The following SLC4A4 variants were observed in gnomAD, a reference collection of about 807,000 sequenced individuals.
The protein encoded by SLC4A4 is solute carrier family 4 member 4, also known as electrogenic sodium bicarbonate cotransporter 1.
A neutral mutation model predicts 111.5 loss-of-function variants in SLC4A4; 27 were observed. The ratio of observed to expected loss-of-function variants is 0.24; its 90% CI spans 0.18 to 0.33. The LOEUF (loss-of-function observed/expected upper bound fraction) is 0.33, where lower values mean the gene tolerates loss of function less well. Ranked by LOEUF, SLC4A4 falls within the 10% of genes least tolerant of loss-of-function variation. The pLI is 1.00. For synonymous variants in SLC4A4, 443 were observed against 463.4 expected (o/e 0.96, Z 0.57); for missense variants, 909 against 1,315.5 (o/e 0.69, Z 4.78).
intron 3 of SLC4A4, among the ~76,000 whole-genome samples, chr4:71,334,819 T>C (rs1252802522): frequency 6.6e-6 from 1 of 152,166 alleles, no homozygotes; most frequent in Non-Finnish European, 1.5e-5. Context: ...TTTTGCTAAA[T>C]TGAGAATGCC....
chr4:71,120,818 AC>A (rs1342769643), intron 2 of SLC4A4, among the ~76,000 whole-genome samples: 2 of 151,994 alleles, frequency 1.3e-5, no homozygotes, highest in African/African-American at 4.8e-5. Context: ...CTCTGTGCCC[AC>A]TCTGGCTGCA....
At chr4:71,315,327 A>G (rs1404744155) in intron 3 of SLC4A4, among the ~76,000 whole-genome samples, 6 of 152,184 alleles carry the variant, frequency 3.9e-5, no homozygotes, top group Admixed American at 1.3e-4. Context: ...GTTGTTTTGA[A>G]CTATATAATT....
chr4:71,092,987 C>T (rs868737816), intron 2 of SLC4A4, among the ~76,000 whole-genome samples: 3 of 150,034 alleles, frequency 2.0e-5, no homozygotes, highest in Non-Finnish European at 4.4e-5. Context: ...CCCAGCTACT[C>T]GGGAGGCTGA....
chr4:71,173,199 C>A (rs1744989674), intron 2 of SLC4A4, among the ~76,000 whole-genome samples: 1 of 152,112 alleles, frequency 6.6e-6, no homozygotes, highest in Non-Finnish European at 1.5e-5. Context: ...GAAATAAAAT[C>A]AAAGTCTAGT....
chr4:71,167,777 C>T (rs1050199149), intron 2 of SLC4A4, among the ~76,000 whole-genome samples: 1 of 152,082 alleles, frequency 6.6e-6, no homozygotes, highest in Non-Finnish European at 1.5e-5. Context: ...AAAATGGCAC[C>T]ATTTCCAAAA....
At chr4:71,217,094 A>T (rs1429629206) in intron 1 of SLC4A4, among the ~76,000 whole-genome samples, 1 of 152,200 alleles carries the variant, frequency 6.6e-6, no homozygotes, top group African/African-American at 2.4e-5. Flanking sequence ...GGAGAATAAG[A>T]ATTGAGCAAG....
At chr4:71,392,133 A>G (rs1461877920) in intron 6 of SLC4A4, among the ~76,000 whole-genome samples, 1 of 152,124 alleles carries the variant, frequency 6.6e-6, no homozygotes, top group Non-Finnish European at 1.5e-5. Context: ...ATTCCCATGT[A>G]TAATCTGGTT....
chr4:71,111,984 AC>A (rs1228654837), intron 2 of SLC4A4, among the ~76,000 whole-genome samples: 2 of 152,216 alleles, frequency 1.3e-5, no homozygotes, highest in African/African-American at 4.8e-5. Context: ...GACGTGAACC[AC>A]TGTGCTTGGC....
chr4:71,482,215 C>T (rs1188005126), intron 14 of SLC4A4, among the ~76,000 whole-genome samples: 1 of 151,568 alleles, frequency 6.6e-6, no homozygotes, highest in African/African-American at 2.4e-5. Context: ...ACATACCCTG[C>T]CAATATGCAA....
chr4:71,231,227 G>T (rs945577598), intron 1 of SLC4A4, among the ~76,000 whole-genome samples: 2 of 152,214 alleles, frequency 1.3e-5, no homozygotes, highest in African/African-American at 2.4e-5. Flanking sequence ...GGCCTGCCAC[G>T]TGCTGACTGG....
intron 2 of SLC4A4, among the ~76,000 whole-genome samples, chr4:71,164,616 G>A (rs539966506): frequency 1.3e-4 from 19 of 151,988 alleles, no homozygotes; most frequent in Middle Eastern, 3.4e-3. Context: ...GAAAACCTAG[G>A]CAATACCATT....
chr4:71,101,950 G>C (rs1742752521), intron 2 of SLC4A4, among the ~76,000 whole-genome samples: 1 of 151,796 alleles, frequency 6.6e-6, no homozygotes, highest in Admixed American at 6.6e-5. Flanking sequence ...AGAGAAGAAG[G>C]CTTCAGACGA....
At chr4:71,314,497 G>C (rs1560402914) in intron 3 of SLC4A4, among the ~76,000 whole-genome samples, 1 of 152,148 alleles carries the variant, frequency 6.6e-6, no homozygotes, top group Non-Finnish European at 1.5e-5. Flanking sequence ...GTTTACAATA[G>C]CAACAACTTG....
At position 71,327,443 on chromosome 4, in the gene SLC4A4, T is replaced by C. The variant is rs559035021; in HGVS notation, c.254-11927T>C. The stretch of plus-strand genomic sequence containing the variant: ...ATGGGTTTGAAGTCATATCACTTAG[T>C]AGTTGTGTTATCTTGAGGAAGTCCC... On this transcript the variant is annotated intron_variant, in intron 3 of 25. Transcript: ENST00000264485. Among the ~76,000 whole-genome samples the C allele has an allele frequency of 9.3e-4, 142 of 152,084 alleles. 1 individual carries two copies. The highest frequency in any genetic ancestry group is 3.1e-3 in the African/African-American group (127 of 41,516).
chr4:71,147,842 CATGCCT>C (rs2148970255), intron 2 of SLC4A4, among the ~76,000 whole-genome samples: 1 of 152,250 alleles, frequency 6.6e-6, no homozygotes, highest in South Asian at 2.1e-4. Flanking sequence ...TTGAATTCCA[CATGCCT>C]GGTAAATGTA....
At chr4:71,376,724 C>T (rs1732439440) in intron 6 of SLC4A4, among the ~76,000 whole-genome samples, 1 of 151,920 alleles carries the variant, frequency 6.6e-6, no homozygotes, top group Admixed American at 6.6e-5. Flanking sequence ...GCAACCTCCA[C>T]TTCTTGGGTT....
At chr4:71,447,959 A>C (rs1048689309) in intron 9 of SLC4A4, among the ~76,000 whole-genome samples, 1 of 152,214 alleles carries the variant, frequency 6.6e-6, no homozygotes, top group African/African-American at 2.4e-5. Flanking sequence ...GGAATAAAAC[A>C]TATTTTCCTT....
intron 16 of SLC4A4, among the ~76,000 whole-genome samples, chr4:71,531,193 C>G (rs566599472): frequency 1.9e-4 from 29 of 152,124 alleles, no homozygotes; most frequent in Non-Finnish European, 3.5e-4. Flanking sequence ...AGAACAATCT[C>G]AAGCAAACAA....
At chr4:71,519,994 T>G (rs553670128) in intron 16 of SLC4A4, among the ~76,000 whole-genome samples, 1 of 152,290 alleles carries the variant, frequency 6.6e-6, no homozygotes, top group African/African-American at 2.4e-5. Context: ...ATGTTTTAAT[T>G]TAAGCTGACA....
Sources: gnomAD v4.1 joint callset for allele counts (sites outside exome capture counted in the v4.1 genomes callset) on GRCh38, gnomAD v4.1.1 for gene constraint, MANE v1.5 for transcripts, NCBI Gene and HGNC (gene_info 2026-07-23, HGNC 2026-07-21) for gene names.